The following CAMK2B variants were observed in gnomAD, a reference collection of about 807,000 sequenced individuals.
The protein encoded by CAMK2B is calcium/calmodulin-dependent protein kinase type II subunit beta.
CAMK2B carries 27 observed loss-of-function variants against 93.7 expected under a neutral mutation model. The ratio of observed to expected loss-of-function variants is 0.29; its 90% CI spans 0.21 to 0.40. The LOEUF is 0.40. Among genes scored for constraint, CAMK2B ranks in the 10% least tolerant of loss-of-function variants. The pLI is 1.00. For missense variants in CAMK2B, 568 were observed against 895.8 expected (o/e 0.63, Z 4.67); for synonymous variants, 374 against 358.8 (o/e 1.04, Z -0.48).
At chr7:44,237,437 G>A (rs1331768659) in intron 13 of CAMK2B, among the ~76,000 whole-genome samples, 1 of 152,204 alleles carries the variant, frequency 6.6e-6, no homozygotes, top group African/African-American at 2.4e-5. Context: ...CAGAGCTCTG[G>A]GAAGCCCTGC....
In CAMK2B at chr7:44,234,618, A is replaced by G. The variant is rs1464554073; in HGVS notation, c.1059+21T>C. The G allele has an allele frequency of 3.1e-6, 5 of 1,613,594 alleles. No individual in the cohort carries two copies. The South Asian group carries it at 4.4e-5, about 14-fold the overall frequency. ...CAGGCTCTGGGCTCCCCGGCACCACAGGGCCCGGCTGGAGCCTCACCTTGA... is the reference window on the plus strand; with the variant it reads ...CAGGCTCTGGGCTCCCCGGCACCACGGGGCCCGGCTGGAGCCTCACCTTGA... On this transcript the variant is annotated intron_variant, in intron 14 of 23. Transcript: ENST00000395749.
rs544610101 is a variant in CAMK2B, at chr7:44,217,978, G to A, written c.*1547C>T. On this transcript the variant is annotated 3_prime_UTR_variant, in exon 24 of 24. Transcript: ENST00000395749. ...CCCACCGCCTCGAACCCAGGCAGCC[G>A]ACGCTCAGGAGCACAGGGCTAGACC... 1.7e-4 allele frequency: 26 copies of A among 152,446 alleles called. No individual in the cohort carries two copies. The highest frequency in any genetic ancestry group is 3.4e-4 in the Non-Finnish European group (23 of 68,214). The allele number at this position is 152,446 out of a possible 1,614,324, so 9.4% of individuals were successfully genotyped here. A position where few individuals can be genotyped will look rare whatever the true frequency, so the allele number is the denominator to read the frequency against.
chr7:44,272,068 C>G (rs980141237), intron 2 of CAMK2B, among the ~76,000 whole-genome samples: 1 of 151,606 alleles, frequency 6.6e-6, no homozygotes, highest in African/African-American at 2.4e-5. Flanking sequence ...CTTGGAGCCT[C>G]GGGAGCAGCC....
chr7:44,237,881 G>A (rs79349916), intron 13 of CAMK2B, among the ~76,000 whole-genome samples: 9,468 of 152,198 alleles, frequency 0.062, 344 homozygotes, highest in South Asian at 0.13. Flanking sequence ...TCTCCAGGCC[G>A]GGGCAACTGC....
rs559765209 is a variant in CAMK2B, at chr7:44,287,465, C to T, written c.66-3240G>A. Among the ~76,000 whole-genome samples the T allele has an allele frequency of 5.9e-5, 9 of 152,326 alleles. No homozygotes were observed. In the South Asian group the frequency reaches 6.2e-4, roughly 11 times the overall value. On this transcript the variant is annotated intron_variant, in intron 1 of 23. Transcript: ENST00000395749. ...TGCAGATCCACCTCTGTCTCCTCCC[C>T]TTCCTGGTGGTTCTGCCACTTGCCA... is the stretch of plus-strand genomic sequence containing the variant.
intron 1 of CAMK2B, among the ~76,000 whole-genome samples, chr7:44,306,967 T>G (rs1584835943): frequency 1.3e-5 from 1 of 78,264 alleles, no homozygotes. Context: ...GAGGAGGATG[T>G]GAGAAAGGGG....
intron 11 of CAMK2B, among the ~76,000 whole-genome samples, chr7:44,241,322 G>C (rs1166929353): frequency 6.6e-6 from 1 of 152,160 alleles, no homozygotes; most frequent in East Asian, 1.9e-4. Context: ...GTGTGGCTCT[G>C]CTCTCCTTAC....
chr7:44,301,154 G>A (rs1020905468), intron 1 of CAMK2B, among the ~76,000 whole-genome samples: 1 of 152,124 alleles, frequency 6.6e-6, no homozygotes, highest in Non-Finnish European at 1.5e-5. Context: ...TAGGGACAAG[G>A]TCTCACTCTG....
At chr7:44,233,604 G>C (rs1211763398) in intron 15 of CAMK2B, among the ~76,000 whole-genome samples, 1 of 152,156 alleles carries the variant, frequency 6.6e-6, no homozygotes, top group African/African-American at 2.4e-5. Flanking sequence ...GGACAGCTGA[G>C]GGGACACAGC....
At chr7:44,247,545 C>A (rs2096743594) in intron 5 of CAMK2B, among the ~76,000 whole-genome samples, 1 of 151,992 alleles carries the variant, frequency 6.6e-6, no homozygotes. Flanking sequence ...GAGTCTGTAC[C>A]CTGTAAGGCA....
At chr7:44,227,895 A>G (rs544413680) in intron 19 of CAMK2B, among the ~76,000 whole-genome samples, 89 of 116,940 alleles carry the variant, frequency 7.6e-4, no homozygotes, top group African/African-American at 2.9e-3. Context: ...GGATGTAGGG[A>G]TAGAGCGTGG....
intron 16 of CAMK2B, 126 bp from the exon 17 acceptor site, chr7:44,231,180 C>T (rs975416529): frequency 4.0e-5 from 30 of 752,240 alleles, no homozygotes; most frequent in East Asian, 5.5e-5. Flanking sequence ...ATCTCTGCCT[C>T]GGCTGCTTCC....
In CAMK2B at chr7:44,269,922, C is replaced by A. The variant is rs374140821; in HGVS notation, c.161-6858G>T. 4.8e-3 allele frequency among the ~76,000 whole-genome samples: 734 copies of A among 152,252 alleles called. 5 individuals carry two copies. The highest frequency in any genetic ancestry group is 0.017 in the African/African-American group (705 of 41,530). On this transcript the variant is annotated intron_variant, in intron 2 of 23. Coordinates refer to ENST00000395749, the MANE Select transcript of CAMK2B (RefSeq NM_001220.5). ...TAGGTGCCATGAGTCCTGCCCACCA[C>A]GTGGCCTGGGACAAGGGATGGCACT...
In CAMK2B at chr7:44,248,595, C is replaced by T. The variant is rs1478974721; in HGVS notation, c.342-1403G>A. Among the ~76,000 whole-genome samples the T allele has an allele frequency of 6.6e-6, 1 of 152,222 alleles. No individual in the cohort carries two copies. The highest frequency in any genetic ancestry group is 1.9e-4 in the East Asian group (1 of 5,200). ...ACAGGAAGACCCCCTCAAGACCCTTCTATCCCAGCCAGATCCTTGGGGACA... is the reference window on the plus strand; with the variant it reads ...ACAGGAAGACCCCCTCAAGACCCTTTTATCCCAGCCAGATCCTTGGGGACA... On this transcript the variant is annotated intron_variant, in intron 5 of 23. Transcript: ENST00000395749. The surrounding 1 kb of genome is among the most constrained non-coding windows in gnomAD (Gnocchi z 4.1).
rs529604880 is a variant in CAMK2B, at chr7:44,276,769, G to A, written c.160+7362C>T. On this transcript the variant is annotated intron_variant, in intron 2 of 23. Transcript: ENST00000395749. ...GGTCAGCCCCACCTGGGAGCCCCAC[G>A]CTGGCCGAACCCTCGGCCTGCCTCA... Among the ~76,000 whole-genome samples the A allele has an allele frequency of 3.3e-5, 5 of 152,272 alleles. No homozygotes were observed. The South Asian group carries it at 6.2e-4, about 19-fold the overall frequency.
chr7:44,241,891 G>A lies in CAMK2B; in HGVS notation c.820-108C>T, dbSNP rs185925376. ...GGGTCCCCACTTGCCAAGAGCCACC[G>A]GCCACCATTGCGGCAAGGGTTGTCT... On this transcript the variant is annotated intron_variant, in intron 10 of 23. Transcript: ENST00000395749. The A allele has an allele frequency of 4.1e-4, 345 of 842,412 alleles. 3 individuals are homozygous for A. The East Asian group carries it at 6.9e-3, about 17-fold the overall frequency. 52.2% of individuals were successfully genotyped at this position (842,412 alleles called of 1,614,324 possible).
At chr7:44,246,794 T>C (rs1015983812) in intron 6 of CAMK2B, among the ~76,000 whole-genome samples, 4 of 152,018 alleles carry the variant, frequency 2.6e-5, no homozygotes, top group Non-Finnish European at 5.9e-5. Flanking sequence ...CGAACCTCCA[T>C]GTACACACGT....
intron 1 of CAMK2B, among the ~76,000 whole-genome samples, chr7:44,294,664 C>A (rs1331319648): frequency 2.0e-5 from 3 of 152,216 alleles, no homozygotes; most frequent in Middle Eastern, 3.2e-3. Flanking sequence ...CCCTCTGCTC[C>A]TCATCTCCCC....
chr7:44,235,778 G>GC (rs2096619795), intron 13 of CAMK2B, among the ~76,000 whole-genome samples: 2 of 152,202 alleles, frequency 1.3e-5, no homozygotes, highest in Admixed American at 6.5e-5. Flanking sequence ...GAGGATGCTT[G>GC]CCCCCGGGCC....
Sources: allele counts gnomAD v4.1 joint callset (sites outside exome capture counted in the v4.1 genomes callset), GRCh38; gene constraint gnomAD v4.1.1; non-coding constraint Gnocchi (gnomAD v3.1); transcripts MANE v1.5; gene names NCBI Gene and HGNC (gene_info 2026-07-23, HGNC 2026-07-21).